PRKN: variants seen among roughly 807,000 people sequenced by gnomAD.
PRKN encodes the protein parkin RBR E3 ubiquitin protein ligase.
Under a neutral mutation model 59.5 loss-of-function variants are expected in PRKN, and 56 were observed. The observed-to-expected ratio is 0.94, with a 90% CI of 0.76 to 1.18. The LOEUF is 1.18. Ranked by LOEUF, PRKN falls within the 50% of genes most tolerant of loss-of-function variation. PRKN has a pLI of 0.00. For synonymous variants in PRKN, 250 were observed against 222.1 expected (o/e 1.13, Z -1.12); for missense variants, 657 against 596.4 (o/e 1.10, Z -1.06).
rs143865023 is a variant in PRKN at position 161,442,655 on chromosome 6, C to T, written c.1084-55778G>A. On this transcript the variant is annotated intron_variant, in intron 9 of 11. Coordinates refer to ENST00000366898, the MANE Select transcript of PRKN (RefSeq NM_004562.3). This position sits in a 1 kb window ranked among gnomAD's most constrained non-coding sequence, Gnocchi z 4.6. ...TCTTGGACTGGACGGGCTGGACTCC[C>T]AGCTGAAGGTGGCTTGGAATTTAGC... Among the ~76,000 whole-genome samples the T allele has an allele frequency of 1.3e-5, 2 of 152,316 alleles. No homozygotes were observed. The highest frequency in any genetic ancestry group is 2.9e-5 in the Non-Finnish European group (2 of 68,026).
intron 1 of PRKN, among the ~76,000 whole-genome samples, chr6:162,641,224 T>C (rs541636019): frequency 4.5e-4 from 68 of 152,294 alleles, no homozygotes; most frequent in African/African-American, 1.6e-3. Context: ...AATTAAGACA[T>C]ATGGAACCCA....
chr6:162,201,386 A>T, intron 3 of PRKN, 134 bp from the exon 4 acceptor site: 1 of 779,932 alleles, frequency 1.3e-6, no homozygotes, highest in Non-Finnish European at 2.2e-6. Context: ...ACTGGAATAA[A>T]TATTCCAATG....
At chr6:162,000,720 T>C (rs1012116883) in intron 5 of PRKN, among the ~76,000 whole-genome samples, 1 of 152,088 alleles carries the variant, frequency 6.6e-6, no homozygotes. Context: ...TAAAAAGTTA[T>C]TACTATACCT....
chr6:162,633,494 A>G (rs1442641899), intron 1 of PRKN, among the ~76,000 whole-genome samples: 1 of 149,892 alleles, frequency 6.7e-6, no homozygotes, highest in Non-Finnish European at 1.5e-5. Context: ...AGGACTTATA[A>G]CTCCTAAAAC....
Position 162,727,551 on chromosome 6 carries a change from C to T in PRKN, c.7+111G>A, listed in dbSNP as rs114231735. 3,469 of 1,213,244 alleles carry T rather than the reference C, an allele frequency of 2.9e-3. 66 individuals are homozygous for T. The African/African-American group carries it at 0.044, about 15-fold the overall frequency. The allele number at this position is 1,213,244 out of a possible 1,614,324, so 75.2% of individuals were successfully genotyped here. On this transcript the variant is annotated intron_variant, in intron 1 of 11. Transcript: ENST00000366898. The stretch of plus-strand genomic sequence containing the variant: ...CCGGGGACGGCACGGGCACTTTGGC[C>T]CCGTCATTGACAGTTGGCACCGGGG...
At chr6:161,437,047 C>T (rs757057499) in intron 9 of PRKN, among the ~76,000 whole-genome samples, 4 of 152,144 alleles carry the variant, frequency 2.6e-5, no homozygotes, top group East Asian at 1.9e-4. Flanking sequence ...GCTGAAATCA[C>T]GGGTAGTACC....
intron 7 of PRKN, among the ~76,000 whole-genome samples, chr6:161,680,746 TATATATATATATATATATATATATATA>T (rs1231800349): frequency 8.1e-4 from 7 of 8,590 alleles, no homozygotes; most frequent in East Asian, 0.011. Flanking sequence ...TATATATATA[TATATATATATATATATATATATATATA>T]TATTTTTTTT....
chr6:162,318,230 T>C (rs1440830237), intron 2 of PRKN, among the ~76,000 whole-genome samples: 2 of 152,114 alleles, frequency 1.3e-5, no homozygotes, highest in Non-Finnish European at 2.9e-5. Flanking sequence ...TGTCATAGCA[T>C]GTATCAAAAT....
chr6:162,645,857 ATAAACTT>A (rs1778150877), intron 1 of PRKN, among the ~76,000 whole-genome samples: 1 of 145,800 alleles, frequency 6.9e-6, no homozygotes, highest in Admixed American at 7.2e-5. Flanking sequence ...GCCACAGTGC[ATAAACTT>A]TCTCTTTTTT....
intron 2 of PRKN, among the ~76,000 whole-genome samples, chr6:162,291,759 C>T (rs150006291): frequency 4.7e-4 from 72 of 152,144 alleles, no homozygotes; most frequent in African/African-American, 1.6e-3. Context: ...GGTTATTCAC[C>T]GCTACGACAA....
At chr6:162,452,425 G>T (rs959965357) in intron 1 of PRKN, among the ~76,000 whole-genome samples, 1 of 65,312 alleles carries the variant, frequency 1.5e-5, no homozygotes, top group Non-Finnish European at 3.1e-5. Context: ...TCTATTCCAT[G>T]GGGAGTTTAG....
intron 2 of PRKN, among the ~76,000 whole-genome samples, chr6:162,344,533 C>T (rs923180044): frequency 6.6e-6 from 1 of 151,962 alleles, no homozygotes; most frequent in Non-Finnish European, 1.5e-5. Context: ...ACCAAGGTCA[C>T]CCCCATCACT....
chr6:162,540,213 G>A (rs2128199595), intron 1 of PRKN, among the ~76,000 whole-genome samples: 1 of 152,190 alleles, frequency 6.6e-6, no homozygotes. Context: ...ACTGCACCCA[G>A]CTGAATTTAT....
intron 2 of PRKN, among the ~76,000 whole-genome samples, chr6:162,380,871 G>A (rs1257752205): frequency 6.6e-6 from 1 of 152,064 alleles, no homozygotes; most frequent in Non-Finnish European, 1.5e-5. Flanking sequence ...CTGTATCACT[G>A]GACCTATGGG....
intron 1 of PRKN, among the ~76,000 whole-genome samples, chr6:162,507,600 T>G (rs1363190714): frequency 6.6e-6 from 1 of 152,208 alleles, no homozygotes; most frequent in Non-Finnish European, 1.5e-5. Context: ...CACTGTTAAG[T>G]GTGAACTAGG....
intron 1 of PRKN, among the ~76,000 whole-genome samples, chr6:162,563,601 C>T (rs1779941958): frequency 6.6e-6 from 1 of 152,054 alleles, no homozygotes. Context: ...TCTTCAATGC[C>T]CAGACACCAA....
intron 9 of PRKN, among the ~76,000 whole-genome samples, chr6:161,493,943 A>G (rs1256172937): frequency 1.3e-5 from 2 of 152,228 alleles, no homozygotes; most frequent in African/African-American, 2.4e-5. Context: ...AGACAAGACA[A>G]GAGCCGGGAA....
At chr6:161,604,771 C>T (rs1346203205) in intron 7 of PRKN, among the ~76,000 whole-genome samples, 2 of 152,116 alleles carry the variant, frequency 1.3e-5, no homozygotes, top group Admixed American at 6.5e-5. Context: ...CCTGTCTCTA[C>T]CAAAAATACA....
rs770516124 is a variant in PRKN at position 161,395,359 on chromosome 6, T to C, written c.1084-8482A>G. Among the ~76,000 whole-genome samples the C allele has an allele frequency of 1.3e-5, 2 of 152,186 alleles. No homozygotes were observed. The highest frequency in any genetic ancestry group is 2.9e-5 in the Non-Finnish European group (2 of 68,034). On this transcript the variant is annotated intron_variant, in intron 9 of 11. Transcript: ENST00000366898. This position sits in a 1 kb window ranked among gnomAD's most constrained non-coding sequence, Gnocchi z 5.0. Reference sequence around the variant, plus strand: ...ATTCCAGTGGATAGATGTGCCTTCGTTCATTTCACCAGCCCCTCCGATCAG... The same window carrying C: ...ATTCCAGTGGATAGATGTGCCTTCGCTCATTTCACCAGCCCCTCCGATCAG...
Sources: allele counts gnomAD v4.1 joint callset (sites outside exome capture counted in the v4.1 genomes callset), GRCh38; gene constraint gnomAD v4.1.1; non-coding constraint Gnocchi (gnomAD v3.1); transcripts MANE v1.5; gene names NCBI Gene and HGNC (gene_info 2026-07-23, HGNC 2026-07-21).